The following CSMD1 variants were observed in gnomAD, a reference collection of about 807,000 sequenced individuals.
CSMD1 encodes CUB and Sushi multiple domains 1.
In CSMD1, 213 loss-of-function variants were observed where a neutral mutation model predicts 417.5. The observed-to-expected ratio is 0.51, with a 90% CI of 0.46 to 0.57. The LOEUF (loss-of-function observed/expected upper bound fraction) is 0.57, where lower values mean the gene tolerates loss of function less well. Among genes scored for constraint, CSMD1 ranks in the 20% least tolerant of loss-of-function variants. The pLI is 0.00. For missense variants in CSMD1, 6,923 were observed against 4,529.7 expected, an observed-to-expected ratio of 1.53 and a Z score of -15.17; for synonymous variants, 2,862 against 1,736.8, an observed-to-expected ratio of 1.65 and a Z score of -16.11.
intron 3 of CSMD1, among the ~76,000 whole-genome samples, chr8:4,034,528 A>G (rs574823094): frequency 6.6e-6 from 1 of 152,354 alleles, no homozygotes; most frequent in South Asian, 2.1e-4. Context: ...TAAAAGTGAC[A>G]TTTATAAGGA....
At chr8:3,354,820 TCTATAGATAC>T (rs1311631182) in intron 21 of CSMD1, among the ~76,000 whole-genome samples, 2 of 140,912 alleles carry the variant, frequency 1.4e-5, no homozygotes, top group Non-Finnish European at 3.1e-5. Flanking sequence ...TCTATATATA[TCTATAGATAC>T]ATATATAGAT....
intron 5 of CSMD1, among the ~76,000 whole-genome samples, chr8:3,785,200 A>C (rs1799389871): frequency 6.6e-6 from 1 of 152,214 alleles, no homozygotes; most frequent in Non-Finnish European, 1.5e-5. Context: ...TACTGAATTA[A>C]AGAGTTGTTA....
At chr8:4,966,065 G>C (rs1004413467) in intron 1 of CSMD1, among the ~76,000 whole-genome samples, 1 of 151,756 alleles carries the variant, frequency 6.6e-6, no homozygotes, top group Non-Finnish European at 1.5e-5. Flanking sequence ...ACCAATACTC[G>C]AATTGAAAGA....
chr8:3,138,649 G>A (rs1165042868), intron 41 of CSMD1, among the ~76,000 whole-genome samples: 3 of 152,188 alleles, frequency 2.0e-5, no homozygotes, highest in Non-Finnish European at 4.4e-5. Context: ...CCAAAGAGTG[G>A]GAGTGGAGAT....
intron 25 of CSMD1, among the ~76,000 whole-genome samples, chr8:3,294,482 T>C (rs1242355056): frequency 6.6e-6 from 1 of 152,188 alleles, no homozygotes; most frequent in Non-Finnish European, 1.5e-5. Flanking sequence ...CAGTTCAAGC[T>C]TCTGGGCCGT....
chr8:4,039,676 A>G (rs563661327), intron 3 of CSMD1, among the ~76,000 whole-genome samples: 39 of 152,322 alleles, frequency 2.6e-4, no homozygotes, highest in African/African-American at 7.5e-4. Flanking sequence ...GAATAACTCA[A>G]TGAGGAAGTG....
intron 3 of CSMD1, among the ~76,000 whole-genome samples, chr8:4,197,996 G>A (rs939563650): frequency 7.2e-5 from 11 of 152,220 alleles, no homozygotes; most frequent in Non-Finnish European, 1.3e-4. Context: ...AATAAAACAT[G>A]CTATCTTTCC....
At chr8:3,844,457 G>A (rs1390702939) in intron 5 of CSMD1, among the ~76,000 whole-genome samples, 1 of 152,202 alleles carries the variant, frequency 6.6e-6, no homozygotes, top group Admixed American at 6.5e-5. Context: ...GGTCCAGGGA[G>A]TTGATGTATG....
chr8:3,081,061 T>C (rs184871833), intron 49 of CSMD1, among the ~76,000 whole-genome samples: 2 of 152,344 alleles, frequency 1.3e-5, no homozygotes, highest in East Asian at 3.9e-4. Context: ...TTTAAAATGT[T>C]TACCAAATGG....
chr8:3,614,496 C>T (rs559107223), intron 8 of CSMD1, among the ~76,000 whole-genome samples: 3 of 152,282 alleles, frequency 2.0e-5, no homozygotes, highest in African/African-American at 7.2e-5. Flanking sequence ...CCATGATTGC[C>T]CATGTGCTAA....
intron 5 of CSMD1, among the ~76,000 whole-genome samples, chr8:3,867,276 A>G (rs760618644): frequency 9.2e-5 from 14 of 152,296 alleles, no homozygotes; most frequent in Admixed American, 3.9e-4. Context: ...ACCATTACAT[A>G]TCTTGAATAT....
chr8:4,347,722 A>C (rs1246164748), intron 3 of CSMD1, among the ~76,000 whole-genome samples: 1 of 152,176 alleles, frequency 6.6e-6, no homozygotes, highest in Non-Finnish European at 1.5e-5. Context: ...TGTAGCACGT[A>C]ACTCAATTCT....
chr8:4,848,065 G>A (rs558042988), intron 1 of CSMD1, among the ~76,000 whole-genome samples: 3 of 152,212 alleles, frequency 2.0e-5, no homozygotes, highest in South Asian at 2.1e-4. Flanking sequence ...TATGAATGGA[G>A]TCATAGACAT....
At chr8:4,730,224 A>G (rs1200916888) in intron 1 of CSMD1, among the ~76,000 whole-genome samples, 1 of 152,168 alleles carries the variant, frequency 6.6e-6, no homozygotes, top group East Asian at 1.9e-4. Flanking sequence ...AAAACAAAAC[A>G]AAACAAAACA....
intron 63 of CSMD1, among the ~76,000 whole-genome samples, chr8:2,956,513 G>A (rs1382626579): frequency 6.6e-6 from 1 of 151,868 alleles, no homozygotes; most frequent in Non-Finnish European, 1.5e-5. Context: ...GAATGCAGTG[G>A]CACGATCTCC....
chr8:3,271,549 T>C (rs960661946), intron 26 of CSMD1, among the ~76,000 whole-genome samples: 13 of 150,864 alleles, frequency 8.6e-5, no homozygotes, highest in African/African-American at 3.2e-4. Context: ...CCAGCAACAG[T>C]GTAAAAGTGT....
At chr8:3,603,306 AAT>A (rs144418292) in intron 8 of CSMD1, among the ~76,000 whole-genome samples, 5,020 of 152,304 alleles carry the variant, frequency 0.033, 110 homozygotes, top group Non-Finnish European at 0.054. Context: ...CAGGCATAGG[AAT>A]ATGTTATGTT....
chr8:3,706,484 A>G (rs1219161771), intron 7 of CSMD1, among the ~76,000 whole-genome samples: 2 of 152,196 alleles, frequency 1.3e-5, no homozygotes, highest in Non-Finnish European at 2.9e-5. Context: ...ATTAATTCCC[A>G]TGCTTGACAA....
chr8:4,136,965 A>G (rs185306946), intron 3 of CSMD1, among the ~76,000 whole-genome samples: 12 of 152,356 alleles, frequency 7.9e-5, no homozygotes, highest in Non-Finnish European at 1.2e-4. Context: ...TATTCAGCCT[A>G]TATCAATGAA....
Sources: gnomAD v4.1 joint callset for allele counts (sites outside exome capture counted in the v4.1 genomes callset) on GRCh38, gnomAD v4.1.1 for gene constraint, MANE v1.5 for transcripts, NCBI Gene and HGNC (gene_info 2026-07-23, HGNC 2026-07-21) for gene names.